Variants in FRK observed in about 807,000 individuals in gnomAD.
The protein encoded by FRK is tyrosine-protein kinase FRK.
FRK carries 51 observed loss-of-function variants against 56.4 expected under a neutral mutation model. The ratio of observed to expected loss-of-function variants is 0.90; its 90% confidence interval spans 0.72 to 1.14. The LOEUF is 1.14. Ranked by LOEUF, FRK falls within the 50% of genes most tolerant of loss-of-function variation. The pLI is 0.00. For missense variants in FRK, 570 were observed against 601.4 expected, an observed-to-expected ratio of 0.95 and a Z score of 0.55; for synonymous variants, 245 against 217.9, an observed-to-expected ratio of 1.12 and a Z score of -1.10.
chr6:116,003,775 G>T, intron 2 of FRK, 102 bp downstream of exon 2: 1 of 1,372,886 alleles, frequency 7.3e-7, no homozygotes, highest in Non-Finnish European at 9.9e-7. Flanking sequence ...GTAAAGATAA[G>T]AAATAAGGCA....
intron 2 of FRK, among the ~76,000 whole-genome samples, chr6:115,994,613 G>A (rs1774765272): frequency 6.6e-6 from 1 of 152,040 alleles, no homozygotes; most frequent in Non-Finnish European, 1.5e-5. Flanking sequence ...CTTTGCAATT[G>A]TTATGACCTG....
chr6:116,041,646 C>A (rs571800552), intron 1 of FRK, among the ~76,000 whole-genome samples: 1 of 152,208 alleles, frequency 6.6e-6, no homozygotes, highest in East Asian at 1.9e-4. Flanking sequence ...CTCAAGGGGT[C>A]AGGGAACTCC....
intron 1 of FRK, among the ~76,000 whole-genome samples, chr6:116,052,984 A>G (rs1464012147): frequency 6.6e-6 from 1 of 152,166 alleles, no homozygotes; most frequent in Non-Finnish European, 1.5e-5. Flanking sequence ...TTTATGTCAC[A>G]TAATGATCCT....
intron 3 of FRK, 34 bp downstream of exon 3, chr6:115,968,542 T>G (rs1295624191): frequency 6.3e-7 from 1 of 1,585,304 alleles, no homozygotes; most frequent in African/African-American, 1.4e-5. Context: ...AAAGTTAACT[T>G]CAATAAAAAA....
At chr6:116,030,998 T>C (rs1776287373) in intron 1 of FRK, among the ~76,000 whole-genome samples, 1 of 152,148 alleles carries the variant, frequency 6.6e-6, no homozygotes, top group Admixed American at 6.6e-5. Flanking sequence ...AATCATTCAT[T>C]GTTTGGCTCA....
At chr6:116,073,444 A>G in the FRK span, among the ~76,000 whole-genome samples, 1 of 152,166 alleles carries the variant, frequency 6.6e-6, no homozygotes, top group South Asian at 2.1e-4. Context: ...AGTGGAGAAA[A>G]TCAGTCAGTG....
the FRK span, among the ~76,000 whole-genome samples, chr6:116,078,840 TA>T: frequency 6.6e-6 from 1 of 152,212 alleles, no homozygotes; most frequent in African/African-American, 2.4e-5. Flanking sequence ...TAACCATCCC[TA>T]AAAGCATAGT....
chr6:115,992,538 A>G (rs1774652908), intron 2 of FRK, among the ~76,000 whole-genome samples: 2 of 151,888 alleles, frequency 1.3e-5, no homozygotes, highest in South Asian at 4.1e-4. Flanking sequence ...CTATATAAAG[A>G]CAAATTGAGG....
At chr6:116,016,242 G>C (rs988699696) in intron 1 of FRK, among the ~76,000 whole-genome samples, 18 of 152,090 alleles carry the variant, frequency 1.2e-4, no homozygotes, top group Non-Finnish European at 2.5e-4. Flanking sequence ...AGCTGCTCCA[G>C]CTCCAGCTGT....
At chr6:115,981,018 T>G (rs1387063559) in intron 2 of FRK, among the ~76,000 whole-genome samples, 1 of 152,152 alleles carries the variant, frequency 6.6e-6, no homozygotes, top group Non-Finnish European at 1.5e-5. Flanking sequence ...ACTTAAAACC[T>G]TTTGGAGATA....
At chr6:115,947,327 T>C (rs1582632568) in intron 5 of FRK, among the ~76,000 whole-genome samples, 1 of 77,286 alleles carries the variant, frequency 1.3e-5, no homozygotes, top group Non-Finnish European at 3.5e-5. Flanking sequence ...AGTGTGTGTG[T>C]GTGTGTGTGT....
At chr6:116,045,345 A>T (rs572911240) in intron 1 of FRK, among the ~76,000 whole-genome samples, 13 of 152,170 alleles carry the variant, frequency 8.5e-5, no homozygotes, top group Admixed American at 3.3e-4. Context: ...ACTACAAGGC[A>T]ACAGTAACCA....
At chr6:116,058,502 T>A (rs1777479075) in intron 1 of FRK, among the ~76,000 whole-genome samples, 1 of 152,230 alleles carries the variant, frequency 6.6e-6, no homozygotes. Flanking sequence ...TGGCTATTTA[T>A]TATTATCTTA....
At chr6:116,063,093 G>A (rs1419151481), upstream of FRK, among the ~76,000 whole-genome samples, 1 of 152,140 alleles carries the variant, frequency 6.6e-6, no homozygotes. Context: ...TGACTGAGGT[G>A]ATAAGTCATT....
intron 2 of FRK, among the ~76,000 whole-genome samples, chr6:116,003,079 A>G (rs1452565350): frequency 1.3e-5 from 2 of 152,208 alleles, no homozygotes; most frequent in Non-Finnish European, 2.9e-5. Flanking sequence ...AATAGAGGGA[A>G]GCAAAGCCTC....
At chr6:115,972,710 C>A (rs2114614290) in intron 2 of FRK, among the ~76,000 whole-genome samples, 1 of 152,302 alleles carries the variant, frequency 6.6e-6, no homozygotes, top group South Asian at 2.1e-4. Flanking sequence ...TAACCTCAAT[C>A]AAAAACTCCA....
Position 115,988,576 on chromosome 6 carries a change from A to G in FRK, c.466+15301T>C, listed in dbSNP as rs1018930207. On this transcript the variant is annotated intron_variant, in intron 2 of 7. Coordinates refer to ENST00000606080, the MANE Select transcript of FRK (RefSeq NM_002031.3). ...CAAAAACCTTCTATGTTTTGTCTAC[A>G]TGATGGCGTGTTACTTCTGACATGC... is the stretch of plus-strand genomic sequence containing the variant. 2.0e-5 allele frequency among the ~76,000 whole-genome samples: 3 copies of G among 152,022 alleles called. No homozygotes were observed. The East Asian group carries it at 5.8e-4, about 29-fold the overall frequency.
chr6:115,984,557 A>C (rs1457521140), intron 2 of FRK, among the ~76,000 whole-genome samples: 1 of 152,010 alleles, frequency 6.6e-6, no homozygotes, highest in Non-Finnish European at 1.5e-5. Flanking sequence ...CACATGTTTG[A>C]TGGATATGTA....
chr6:116,070,149 A>C, the FRK span, among the ~76,000 whole-genome samples: 2 of 152,052 alleles, frequency 1.3e-5, no homozygotes, highest in Admixed American at 6.6e-5. Flanking sequence ...AAAAAAAAAA[A>C]AACCTGCTAA....
Sources: gnomAD v4.1 joint callset for allele counts (sites outside exome capture counted in the v4.1 genomes callset) on GRCh38, gnomAD v4.1.1 for gene constraint, MANE v1.5 for transcripts, NCBI Gene and HGNC (gene_info 2026-07-23, HGNC 2026-07-21) for gene names.